Variants in DENND1A observed in about 807,000 individuals in gnomAD.
DENND1A encodes the protein DENN domain-containing protein 1A.
A neutral mutation model predicts 113.7 loss-of-function variants in DENND1A; 51 were observed. The ratio of observed to expected loss-of-function variants is 0.45; its 90% confidence interval spans 0.36 to 0.57. DENND1A has a LOEUF of 0.57. DENND1A is among the 20% of genes least tolerant of loss of function. DENND1A has a pLI of 0.00. For missense variants in DENND1A, 1,258 were observed against 1,395.9 expected (o/e 0.90, Z 1.57); for synonymous variants, 565 against 570.8 (o/e 0.99, Z 0.14).
At chr9:123,383,985 A>G in intron 22 of DENND1A, 72 bp from the exon 23 acceptor site, 11 of 1,552,546 alleles carry the variant, frequency 7.1e-6, no homozygotes, top group Non-Finnish European at 9.6e-6. Flanking sequence ...CTCCAGCCCA[A>G]GCACATTGAG....
At chr9:123,529,098 C>T (rs1462693302) in intron 13 of DENND1A, among the ~76,000 whole-genome samples, 1 of 152,088 alleles carries the variant, frequency 6.6e-6, no homozygotes, top group Non-Finnish European at 1.5e-5. Context: ...CCTGTGAGTT[C>T]CCCTGTCAAA....
intron 7 of DENND1A, among the ~76,000 whole-genome samples, chr9:123,670,460 G>A (rs2063710387): frequency 6.6e-6 from 1 of 152,184 alleles, no homozygotes; most frequent in South Asian, 2.1e-4. Context: ...CTCTTCTGAT[G>A]CCTTATCTGA....
At chr9:123,616,877 A>T (rs1472414502) in intron 10 of DENND1A, among the ~76,000 whole-genome samples, 1 of 152,286 alleles carries the variant, frequency 6.6e-6, no homozygotes, top group Non-Finnish European at 1.5e-5. Flanking sequence ...TCTGGTCCCC[A>T]TGTGAAGCTC....
intron 5 of DENND1A, among the ~76,000 whole-genome samples, chr9:123,702,785 G>C (rs539160670): frequency 1.3e-5 from 2 of 152,282 alleles, no homozygotes; most frequent in South Asian, 4.2e-4. Context: ...ACTATCACCA[G>C]ACCTGTCTTA....
intron 5 of DENND1A, among the ~76,000 whole-genome samples, chr9:123,734,602 C>A (rs1384414047): frequency 6.6e-6 from 1 of 152,108 alleles, no homozygotes; most frequent in Non-Finnish European, 1.5e-5. Flanking sequence ...CAGAGTCAAA[C>A]AGAGCTAGGT....
At chr9:123,810,358 A>G (rs769222082) in intron 2 of DENND1A, among the ~76,000 whole-genome samples, 4 of 152,164 alleles carry the variant, frequency 2.6e-5, no homozygotes, top group Non-Finnish European at 5.9e-5. Flanking sequence ...CTTGAGAAGC[A>G]GAGCACACAG....
intron 12 of DENND1A, among the ~76,000 whole-genome samples, chr9:123,560,669 GAC>G (rs1313308021): frequency 3.5e-5 from 5 of 144,572 alleles, no homozygotes; most frequent in Non-Finnish European, 7.4e-5. Context: ...CAGCCTGGGT[GAC>G]AGAGTGAGAC....
At chr9:123,403,297 C>G in intron 21 of DENND1A, 105 bp downstream of exon 21, 3 of 1,155,188 alleles carry the variant, frequency 2.6e-6, no homozygotes, top group Non-Finnish European at 3.8e-6. Flanking sequence ...CTGGGAGCCC[C>G]GGGGAAGCCT....
At chr9:123,776,389 G>A (rs1479439731) in intron 3 of DENND1A, among the ~76,000 whole-genome samples, 1 of 152,118 alleles carries the variant, frequency 6.6e-6, no homozygotes, top group Non-Finnish European at 1.5e-5. Context: ...ACATAGGGAA[G>A]AAAAGTGATA....
chr9:123,694,806 A>T (rs1361140427), intron 5 of DENND1A, among the ~76,000 whole-genome samples: 1 of 152,174 alleles, frequency 6.6e-6, no homozygotes, highest in African/African-American at 2.4e-5. Flanking sequence ...CTACTCGGAC[A>T]CCCATTTGGC....
At chr9:123,824,020 T>C (rs1838923236) in intron 2 of DENND1A, among the ~76,000 whole-genome samples, 1 of 152,156 alleles carries the variant, frequency 6.6e-6, no homozygotes, top group Non-Finnish European at 1.5e-5. Flanking sequence ...ACATCAGAAC[T>C]GAAATCTGGC....
intron 12 of DENND1A, among the ~76,000 whole-genome samples, chr9:123,579,995 C>A (rs2058813041): frequency 6.6e-6 from 1 of 152,220 alleles, no homozygotes; most frequent in Non-Finnish European, 1.5e-5. Flanking sequence ...CACGCTGAGA[C>A]TGTCAGGACA....
chr9:123,755,562 A>C (rs1429096107), intron 5 of DENND1A, among the ~76,000 whole-genome samples: 1 of 150,442 alleles, frequency 6.6e-6, no homozygotes, highest in Non-Finnish European at 1.5e-5. Context: ...TGCCTGGCCA[A>C]TATGTGGATT....
chr9:123,756,965 G>A (rs1187901562), intron 5 of DENND1A, among the ~76,000 whole-genome samples: 2 of 152,184 alleles, frequency 1.3e-5, no homozygotes, highest in Non-Finnish European at 2.9e-5. Flanking sequence ...AGGCCCCTCT[G>A]ACACCTACTT....
chr9:123,420,188 G>C (rs2045133463), intron 19 of DENND1A, among the ~76,000 whole-genome samples: 1 of 152,228 alleles, frequency 6.6e-6, no homozygotes, highest in Non-Finnish European at 1.5e-5. Flanking sequence ...AAGGAAGGGA[G>C]GCTGGGAGGG....
intron 10 of DENND1A, among the ~76,000 whole-genome samples, chr9:123,619,570 C>T (rs2060835382): frequency 6.6e-6 from 1 of 152,152 alleles, no homozygotes; most frequent in African/African-American, 2.4e-5. Flanking sequence ...CGGGTACACA[C>T]CATCACACCT....
intron 5 of DENND1A, among the ~76,000 whole-genome samples, chr9:123,741,283 A>C (rs188973606): frequency 6.6e-6 from 1 of 152,140 alleles, no homozygotes; most frequent in Non-Finnish European, 1.5e-5. Flanking sequence ...CAACAACCAA[A>C]ATTTTACAAG....
rs551967650 is a variant in DENND1A, at chr9:123,915,141, T to C, written c.17+14748A>G. ...GGCTAGTGTACAAATAATTTGCTGT[T>C]TTGTACAAATATATGCAAACTTATC... On this transcript the variant is annotated intron_variant, in intron 1 of 23. Coordinates refer to ENST00000394215, the MANE Select transcript of DENND1A (RefSeq NM_001352964.2). Among the ~76,000 whole-genome samples the C allele has an allele frequency of 4.6e-5, 7 of 152,182 alleles. No individual in the cohort carries two copies. In the South Asian group the frequency reaches 1.2e-3, roughly 27 times the overall value.
chr9:123,551,216 C>T (rs2057024521), intron 13 of DENND1A, among the ~76,000 whole-genome samples: 1 of 152,212 alleles, frequency 6.6e-6, no homozygotes, highest in Admixed American at 6.5e-5. Flanking sequence ...TTTGCAGACA[C>T]CTTCCCCTCT....
Sources: allele counts gnomAD v4.1 joint callset (sites outside exome capture counted in the v4.1 genomes callset), GRCh38; gene constraint gnomAD v4.1.1; transcripts MANE v1.5; gene names NCBI Gene and HGNC (gene_info 2026-07-23, HGNC 2026-07-21).